Variants in PNPLA7 observed in about 807,000 individuals in gnomAD.
The protein encoded by PNPLA7 is patatin-like phospholipase domain-containing protein 7.
PNPLA7 carries 153 observed loss-of-function variants against 161.7 expected under a neutral mutation model. The observed-to-expected ratio is 0.95, with a 90% CI of 0.83 to 1.08. The LOEUF is 1.08. PNPLA7 is among the 50% of genes least tolerant of loss of function. The pLI is 0.00. For synonymous variants in PNPLA7, 809 were observed against 782.1 expected (o/e 1.03, Z -0.57); for missense variants, 1,739 against 1,856.6 (o/e 0.94, Z 1.16).
At chr9:137,510,523 C>T (rs1834166415) in intron 12 of PNPLA7, among the ~76,000 whole-genome samples, 1 of 152,242 alleles carries the variant, frequency 6.6e-6, no homozygotes, top group Admixed American at 6.5e-5. Context: ...GGACACGTGA[C>T]TCACGTGACC....
rs539923900 is a variant in PNPLA7 at position 137,468,786 on chromosome 9, G to A, written c.2883-1313C>T. On this transcript the variant is annotated intron_variant, in intron 25 of 34. Coordinates refer to ENST00000406427, the MANE Select transcript of PNPLA7 (RefSeq NM_001098537.3). The surrounding 1 kb of genome is among the most constrained non-coding windows in gnomAD (Gnocchi z 4.0). ...GAACAGTGGCAATTGTTCATTTCAC[G>A]ACATTGTAACAACATTGTATCATTA... is the stretch of plus-strand genomic sequence containing the variant. Among the ~76,000 whole-genome samples, 6 of 151,800 alleles carry A rather than the reference G, an allele frequency of 4.0e-5. No homozygotes were observed. The highest frequency in any genetic ancestry group is 2.0e-4 in the Admixed American group (3 of 15,242).
At chr9:137,522,072 T>C (rs1255914450) in intron 9 of PNPLA7, among the ~76,000 whole-genome samples, 2 of 152,196 alleles carry the variant, frequency 1.3e-5, no homozygotes, top group African/African-American at 4.8e-5. Context: ...TATTTTAAGA[T>C]ATATATTACA....
Position 137,479,043 on chromosome 9 carries a change from C to T in PNPLA7, c.2763+13G>A, listed in dbSNP as rs1006939443. The T allele has an allele frequency of 1.3e-6, 2 of 1,555,074 alleles. No homozygotes were observed. Among genetic ancestry groups the T allele is most frequent in the Non-Finnish European group, 1.7e-6 (2 of 1,145,738 alleles). ...CGGAGCCACGGGCAGGCAGCCTCCT[C>T]TCCCCGCCTCACCAGCTTGGGCAGG... On this transcript the variant is annotated intron_variant, in intron 24 of 34. Transcript: ENST00000406427.
rs146557013 is a variant in PNPLA7, at chr9:137,481,061, C to T, written c.2348-38G>A. On this transcript the variant is annotated intron_variant, in intron 21 of 34. Transcript: ENST00000406427. The stretch of plus-strand genomic sequence containing the variant: ...CCACCAGTAACGGAGCCTGCCTGGG[C>T]AGCCCACCTCCAACGCCAACAAGGC... 22 of 1,548,056 alleles carry T rather than the reference C, an allele frequency of 1.4e-5. No individual in the cohort carries two copies. In the African/African-American group the frequency reaches 2.6e-4, roughly 18 times the overall value.
chr9:137,517,181 C>G (rs1466944840), intron 11 of PNPLA7, among the ~76,000 whole-genome samples: 1 of 143,380 alleles, frequency 7.0e-6, no homozygotes, highest in Non-Finnish European at 1.5e-5. Flanking sequence ...CCCACTCACT[C>G]ACTCCACTCT....
At chr9:137,477,864 G>T (rs1393300872) in intron 25 of PNPLA7, among the ~76,000 whole-genome samples, 170 bp downstream of exon 25, 1 of 152,210 alleles carries the variant, frequency 6.6e-6, no homozygotes, top group Non-Finnish European at 1.5e-5. Context: ...GGTCTGCAGG[G>T]CCTGCTCAGA....
chr9:137,497,988 C>T (rs761140602), intron 17 of PNPLA7, 126 bp downstream of exon 17: 1 of 1,442,134 alleles, frequency 6.9e-7, no homozygotes, highest in Middle Eastern at 2.1e-4. Flanking sequence ...GGAAATCCAG[C>T]CTTCCATGTG....
intron 20 of PNPLA7, chr9:137,491,970 G>C (rs531706456): frequency 1.0e-6 from 1 of 985,468 alleles, no homozygotes; most frequent in East Asian, 1.1e-4. Context: ...GAGCAGCCAG[G>C]CTCTTCTGAG....
chr9:137,535,562 G>A (rs1173798770), intron 8 of PNPLA7, among the ~76,000 whole-genome samples: 2 of 152,014 alleles, frequency 1.3e-5, no homozygotes, highest in African/African-American at 2.4e-5. Flanking sequence ...AGACCAGCCT[G>A]ACCAACATGG....
intron 1 of PNPLA7, among the ~76,000 whole-genome samples, chr9:137,548,221 G>A (rs913842729): frequency 4.3e-4 from 66 of 152,320 alleles, no homozygotes; most frequent in Admixed American, 7.8e-4. Context: ...AGCAGAGGAC[G>A]CTGGTGGTTC....
intron 12 of PNPLA7, among the ~76,000 whole-genome samples, chr9:137,508,250 G>A (rs1487648333): frequency 1.3e-5 from 2 of 152,024 alleles, no homozygotes; most frequent in Admixed American, 6.6e-5. Context: ...AAAAAGTGGT[G>A]GATCAACTAG....
rs574740997 is a variant in PNPLA7, at chr9:137,522,805, G to T, written c.800C>A (p.Thr267Asn). The T allele has an allele frequency of 2.4e-5, 38 of 1,613,748 alleles. No homozygotes were observed. Among genetic ancestry groups the T allele is most frequent in the South Asian group, 1.8e-4 (16 of 91,090 alleles). The change falls in exon 9 of 35, where the codon ACC (threonine) becomes AAC (asparagine). Residue 267 changes from threonine (T) to asparagine (N), a missense_variant. Thr to Asn is a moderately conservative substitution (Grantham distance 65, BLOSUM62 0). Transcript: ENST00000406427. Reference sequence around the variant, plus strand: ...AGCCGCAGCTGGAAGCCGGAGGATGGTGGACGGGATGGCCGCGCGGACGGA... The same window carrying T: ...AGCCGCAGCTGGAAGCCGGAGGATGTTGGACGGGATGGCCGCGCGGACGGA... ...TVSVRAAIPS[T>N]ILRLPAAAFH...
chr9:137,549,318 T>C (rs369857787), intron 1 of PNPLA7, among the ~76,000 whole-genome samples: 2 of 151,484 alleles, frequency 1.3e-5, no homozygotes, highest in East Asian at 3.9e-4. Flanking sequence ...CTGTAATCCC[T>C]GCACTTTGGG....
intron 8 of PNPLA7, among the ~76,000 whole-genome samples, chr9:137,536,729 A>G (rs989298692): frequency 6.6e-6 from 1 of 152,246 alleles, no homozygotes; most frequent in Non-Finnish European, 1.5e-5. Context: ...ACGTAGCATG[A>G]GGCATGGGGG....
At chr9:137,506,370 A>C (rs1258502078) in intron 12 of PNPLA7, among the ~76,000 whole-genome samples, 3 of 152,334 alleles carry the variant, frequency 2.0e-5, no homozygotes, top group Non-Finnish European at 2.9e-5. Flanking sequence ...ACACGGAAGG[A>C]AACCAGCCCT....
chr9:137,479,215 T>C lies in PNPLA7; in HGVS notation c.2604A>G (p.Thr868=), dbSNP rs1482954017. Reference sequence around the variant, plus strand: ...TCAGCTGCTTCTGGGCACGCACAGCTGTGCTCTCCAGCATCCGCTCCAGCT... The same window carrying C: ...TCAGCTGCTTCTGGGCACGCACAGCCGTGCTCTCCAGCATCCGCTCCAGCT... ...VGELERMLES[T]AVRAQKQLIL... The change falls in exon 24 of 35, where the codon ACA becomes ACG. Residue 868 remains threonine, a synonymous_variant. Coordinates refer to ENST00000406427, the MANE Select transcript of PNPLA7 (RefSeq NM_001098537.3). 1.3e-6 allele frequency: 2 copies of C among 1,550,016 alleles called. No homozygotes were observed. The highest frequency in any genetic ancestry group is 1.4e-5 in the African/African-American group (1 of 73,268).
Position 137,550,222 on chromosome 9 carries a change from G to A in PNPLA7, c.-25C>T. On this transcript the variant is annotated 5_prime_UTR_variant, in exon 1 of 35. Coordinates refer to ENST00000406427, the MANE Select transcript of PNPLA7 (RefSeq NM_001098537.3). ...TGGCCAGAAACAGAAAAAACAGTCA[G>A]GGGCGAAAAGCAGACAGCCTGAAGC... The A allele has an allele frequency of 6.2e-7, 1 of 1,613,068 alleles. No individual in the cohort carries two copies. The highest frequency in any genetic ancestry group is 8.5e-7 in the Non-Finnish European group (1 of 1,179,902).
In PNPLA7 at chr9:137,467,167, C is replaced by T; in HGVS notation, c.3039+150G>A. 1 of 1,137,994 alleles carries T rather than the reference C, an allele frequency of 8.8e-7. No homozygotes were observed. Among genetic ancestry groups the T allele is most frequent in the Non-Finnish European group, 1.2e-6 (1 of 828,022 alleles). 70.5% of individuals were successfully genotyped at this position (1,137,994 alleles called of 1,614,324 possible). A position where few individuals can be genotyped will look rare whatever the true frequency, so the allele number is the denominator to read the frequency against. The stretch of plus-strand genomic sequence containing the variant: ...CCTTCTCTGTGGTGCTCCTTTGCCT[C>T]ACAAGCTGCACTGGGAGGCTTCAGG... On this transcript the variant is annotated intron_variant, in intron 26 of 34. Transcript: ENST00000406427. This position sits in a 1 kb window ranked among gnomAD's most constrained non-coding sequence, Gnocchi z 5.1.
rs923576148 is a variant in PNPLA7, at chr9:137,541,967, A to G, written c.666+675T>C. 6.6e-6 allele frequency among the ~76,000 whole-genome samples: 1 copy of G among 152,132 alleles called. No homozygotes were observed. The highest frequency in any genetic ancestry group is 1.5e-5 in the Non-Finnish European group (1 of 68,026). Reference sequence around the variant, plus strand: ...GATAATTATTTTTTATTTTTTGTAGAGACGGGGTCTCACTACTTCGTCCAA... The same window carrying G: ...GATAATTATTTTTTATTTTTTGTAGGGACGGGGTCTCACTACTTCGTCCAA... On this transcript the variant is annotated intron_variant, in intron 7 of 34. Transcript: ENST00000406427. This position sits in a 1 kb window ranked among gnomAD's most constrained non-coding sequence, Gnocchi z 4.4.
Sources: gnomAD v4.1 joint callset for allele counts (sites outside exome capture counted in the v4.1 genomes callset) on GRCh38, gnomAD v4.1.1 for gene constraint, Gnocchi (gnomAD v3.1) non-coding constraint, MANE v1.5 for transcripts, NCBI Gene and HGNC (gene_info 2026-07-23, HGNC 2026-07-21) for gene names.